SOX5: variants seen among roughly 807,000 people sequenced by gnomAD.
The protein encoded by SOX5 is transcription factor SOX-5.
SOX5 carries 9 observed loss-of-function variants against 92.0 expected under a neutral mutation model. The ratio of observed to expected loss-of-function variants is 0.10; its 90% CI spans 0.06 to 0.17. The LOEUF (loss-of-function observed/expected upper bound fraction) is 0.17, where lower values mean the gene tolerates loss of function less well. SOX5 is among the 10% of genes least tolerant of loss of function. SOX5 has a pLI of 1.00. For synonymous variants in SOX5, 344 were observed against 336.3 expected, an observed-to-expected ratio of 1.02 and a Z score of -0.25; for missense variants, 642 against 944.5, an observed-to-expected ratio of 0.68 and a Z score of 4.20.
At chr12:24,149,530 A>T (rs956340891) in intron 4 of SOX5, among the ~76,000 whole-genome samples, 3 of 152,190 alleles carry the variant, frequency 2.0e-5, no homozygotes, top group Non-Finnish European at 2.9e-5. Context: ...GACTAAAATT[A>T]AAAAGACCAG....
At chr12:24,435,058 A>G (rs544148515) in intron 1 of SOX5, among the ~76,000 whole-genome samples, 6 of 152,366 alleles carry the variant, frequency 3.9e-5, no homozygotes, top group African/African-American at 1.4e-4. Flanking sequence ...CACTTCTGCC[A>G]CCAAAGAGAA....
At chr12:23,696,308 T>C (rs1376493288) in intron 6 of SOX5, among the ~76,000 whole-genome samples, 1 of 152,154 alleles carries the variant, frequency 6.6e-6, no homozygotes, top group Non-Finnish European at 1.5e-5. Flanking sequence ...TTTAGTAGTG[T>C]AGAGGTATTC....
intron 1 of SOX5, among the ~76,000 whole-genome samples, chr12:23,937,695 C>G (rs1172875631): frequency 1.3e-5 from 2 of 150,804 alleles, no homozygotes; most frequent in African/African-American, 4.8e-5. Context: ...GCACTAAGAC[C>G]TACTTTATTA....
intron 1 of SOX5, among the ~76,000 whole-genome samples, chr12:24,423,619 T>C (rs1202014526): frequency 6.6e-6 from 1 of 152,236 alleles, no homozygotes; most frequent in African/African-American, 2.4e-5. Flanking sequence ...ACCCAAAGCC[T>C]CAGCAGTCAA....
chr12:24,284,843 G>A (rs1416468816), intron 2 of SOX5, among the ~76,000 whole-genome samples: 2 of 152,152 alleles, frequency 1.3e-5, no homozygotes, highest in Non-Finnish European at 2.9e-5. Flanking sequence ...AAAATAATCA[G>A]GCTGAGCGTG....
At chr12:24,353,314 G>A (rs551579481) in intron 2 of SOX5, among the ~76,000 whole-genome samples, 1 of 152,246 alleles carries the variant, frequency 6.6e-6, no homozygotes, top group Admixed American at 6.5e-5. Flanking sequence ...CCAGAATCTG[G>A]AGTCTTCGTT....
chr12:24,397,889 A>AC (rs201014447), intron 1 of SOX5, among the ~76,000 whole-genome samples: 2,247 of 152,050 alleles, frequency 0.015, 160 homozygotes, highest in Admixed American at 0.12. Context: ...TTGCTGTGTC[A>AC]CCCAGGCTGG....
At chr12:24,284,509 TA>T (rs1945607400) in intron 2 of SOX5, among the ~76,000 whole-genome samples, 2 of 152,144 alleles carry the variant, frequency 1.3e-5, no homozygotes, top group African/African-American at 2.4e-5. Flanking sequence ...CAAACATATT[TA>T]AAAAATAGAG....
intron 3 of SOX5, among the ~76,000 whole-genome samples, chr12:23,827,535 TTTTC>T (rs1260462574): frequency 2.0e-5 from 3 of 152,182 alleles, no homozygotes; most frequent in Non-Finnish European, 2.9e-5. Context: ...GGGCCTTTAT[TTTTC>T]TTTCTATTTC....
intron 4 of SOX5, among the ~76,000 whole-genome samples, chr12:23,962,266 T>G (rs1947033834): frequency 2.8e-5 from 1 of 35,728 alleles, no homozygotes; most frequent in African/African-American, 1.2e-4. Context: ...GACAATTAGA[T>G]AGTCAGTGGT....
chr12:24,259,250 G>C (rs953449090), intron 3 of SOX5, among the ~76,000 whole-genome samples: 1 of 152,188 alleles, frequency 6.6e-6, no homozygotes, highest in Admixed American at 6.5e-5. Context: ...GTGAGCGAGA[G>C]AGAGAGCGCG....
At chr12:23,871,299 T>C (rs1347652305) in intron 2 of SOX5, among the ~76,000 whole-genome samples, 3 of 152,176 alleles carry the variant, frequency 2.0e-5, no homozygotes, top group Non-Finnish European at 4.4e-5. Flanking sequence ...TGAATTAACA[T>C]AGGTCTAAAA....
At chr12:24,200,606 T>G (rs141623685) in intron 4 of SOX5, among the ~76,000 whole-genome samples, 31 of 152,288 alleles carry the variant, frequency 2.0e-4, no homozygotes, top group African/African-American at 6.0e-4. Context: ...CAAAGCTATA[T>G]AGAAACTCAA....
At chr12:23,763,178 T>C in intron 3 of SOX5, among the ~76,000 whole-genome samples, 1 of 152,194 alleles carries the variant, frequency 6.6e-6, no homozygotes, top group Non-Finnish European at 1.5e-5. Flanking sequence ...CTCTCTATGC[T>C]TCCATTCACT....
In SOX5 at chr12:23,837,266, ATATAATATGTATT is replaced by A. The variant is rs1342450128; in HGVS notation, c.481+8704_481+8716del. 1.8e-3 allele frequency among the ~76,000 whole-genome samples: 126 copies of A among 70,020 alleles called. 3 individuals carry two copies. The highest frequency in any genetic ancestry group is 3.1e-3 in the Non-Finnish European group (98 of 31,876). The allele number at this position is 70,020 out of a possible 152,430, so 45.9% of individuals were successfully genotyped here. A position where few individuals can be genotyped will look rare whatever the true frequency, so the allele number is the denominator to read the frequency against. ...TAATATATATTTATATTTATATAAT[ATATAATATGTATT>A]TATATTTATATTTATATAATATATA... On this transcript the variant is annotated intron_variant, in intron 3 of 14. Coordinates refer to ENST00000451604, the MANE Select transcript of SOX5 (RefSeq NM_006940.6).
intron 2 of SOX5, among the ~76,000 whole-genome samples, chr12:24,324,787 G>C (rs925360121): frequency 6.6e-6 from 1 of 152,014 alleles, no homozygotes; most frequent in Non-Finnish European, 1.5e-5. Context: ...TTATCATGAA[G>C]TTTCAACGAA....
Position 24,562,147 on chromosome 12 carries a change from C to T in SOX5, c.-251+182G>A, listed in dbSNP as rs1008584776. Among the ~76,000 whole-genome samples, 3 of 152,350 alleles carry T rather than the reference C, an allele frequency of 2.0e-5. No individual in the cohort carries two copies. In the East Asian group the frequency reaches 5.8e-4, roughly 29 times the overall value. On this transcript the variant is annotated intron_variant, in intron 1 of 4. Transcript: ENST00000446891. ...CTCCGCCACCCCCAGCCCAGTCCCC[C>T]TCCCTCTGTACTTGAGGAAACTCCG...
chr12:23,752,049 T>A (rs967395342), intron 4 of SOX5, among the ~76,000 whole-genome samples: 13 of 151,408 alleles, frequency 8.6e-5, no homozygotes, highest in Non-Finnish European at 4.4e-5. Flanking sequence ...TAATGCACCG[T>A]GACCAGGGTC....
chr12:23,724,935 G>T (rs1370942106), intron 6 of SOX5, among the ~76,000 whole-genome samples: 2 of 152,176 alleles, frequency 1.3e-5, no homozygotes, highest in Non-Finnish European at 2.9e-5. Flanking sequence ...TGACCAACAT[G>T]GTTAGGAGCT....
Sources: allele counts gnomAD v4.1 joint callset (sites outside exome capture counted in the v4.1 genomes callset), GRCh38; gene constraint gnomAD v4.1.1; transcripts MANE v1.5; gene names NCBI Gene and HGNC (gene_info 2026-07-23, HGNC 2026-07-21).